Variants in EIF2B1 observed in about 807,000 individuals in gnomAD.
The protein encoded by EIF2B1 is eukaryotic translation initiation factor 2B subunit alpha, also known as translation initiation factor eIF2B subunit alpha.
In EIF2B1, 30 loss-of-function variants were observed where a neutral mutation model predicts 36.8. The observed-to-expected ratio is 0.81, with a 90% CI of 0.61 to 1.10. EIF2B1 has a LOEUF of 1.10. EIF2B1 is among the 50% of genes least tolerant of loss of function. The pLI is 0.00. For synonymous variants in EIF2B1, 139 were observed against 142.2 expected (o/e 0.98, Z 0.16); for missense variants, 271 against 374.8 (o/e 0.72, Z 2.29).
At chr12:123,633,161 T>A (rs1346354607) in intron 1 of EIF2B1, among the ~76,000 whole-genome samples, 2 of 150,918 alleles carry the variant, frequency 1.3e-5, no homozygotes. Flanking sequence ...ATATTATACA[T>A]GGAGTTCCAC....
At position 123,622,701 on chromosome 12, in the gene EIF2B1, C is replaced by T. The variant is rs757688522; in HGVS notation, c.688G>A (p.Ala230Thr). 6.2e-7 allele frequency: 1 copy of T among 1,614,210 alleles called. No homozygotes were observed. The highest frequency in any genetic ancestry group is 8.5e-7 in the Non-Finnish European group (1 of 1,180,014). ...KAQNKPFYVV[A>T]ESFKFVRLFP... is the part of the protein sequence containing the mutation. Reference sequence around the variant, plus strand: ...AGCCGGACAAACTTGAAACTTTCTGCAACCACATAGAAAGGTTTGTTCTGT... The same window carrying T: ...AGCCGGACAAACTTGAAACTTTCTGTAACCACATAGAAAGGTTTGTTCTGT... Residue 230 changes from alanine to threonine, a missense_variant, in exon 8 of 9, where the codon GCA becomes ACA. Transcript: ENST00000424014.
At chr12:123,632,863 G>A (rs1190089282) in intron 1 of EIF2B1, among the ~76,000 whole-genome samples, 2 of 148,738 alleles carry the variant, frequency 1.3e-5, no homozygotes, top group Non-Finnish European at 3.0e-5. Flanking sequence ...GGAGAATGGC[G>A]TGAACCCGGG....
At position 123,620,566 on chromosome 12, in the gene EIF2B1, G is replaced by A. The variant is rs1955051445; in HGVS notation, c.*1190C>T. ...TATTTATCATGATGGGTCACATATA[G>A]ACATATGTACATATTATATATATAT... On this transcript the variant is annotated 3_prime_UTR_variant, in exon 9 of 9. Transcript: ENST00000424014. The A allele has an allele frequency of 2.1e-5, 2 of 97,098 alleles. No individual in the cohort carries two copies. The highest frequency in any genetic ancestry group is 3.8e-5 in the African/African-American group (1 of 26,570). The allele number at this position is 97,098 out of a possible 1,614,324, so 6.0% of individuals were successfully genotyped here. A position where few individuals can be genotyped will look rare whatever the true frequency, so the allele number is the denominator to read the frequency against.
At position 123,630,571 on chromosome 12, in the gene EIF2B1, G is replaced by A. The variant is rs1347905365; in HGVS notation, c.116-38C>T. The A allele has an allele frequency of 6.2e-7, 1 of 1,607,946 alleles. No homozygotes were observed. Among genetic ancestry groups the A allele is most frequent in the African/African-American group, 1.3e-5 (1 of 74,902 alleles). On this transcript the variant is annotated intron_variant, in intron 2 of 8. Transcript: ENST00000424014. This position sits in a 1 kb window ranked among gnomAD's most constrained non-coding sequence, Gnocchi z 4.6. The stretch of plus-strand genomic sequence containing the variant: ...AACAAGGAATGTGATGTTCACATTA[G>A]GGCCACAGCCCCGACCTGTATCTTC...
chr12:123,622,733 GCA>G lies in EIF2B1; in HGVS notation c.654_655del (p.Ala219GlnfsTer30), dbSNP rs1429411999. On this transcript the variant is annotated frameshift_variant, in exon 8 of 9. Transcript: ENST00000424014. LOFTEE classifies it high-confidence loss of function. ...ATAGAAAGGTTTGTTCTGTGCTTTG[GCA>G]CACACAGCCATCTGGTTGGTTCCAA... is the stretch of plus-strand genomic sequence containing the variant. 1.9e-6 allele frequency: 3 copies of G among 1,613,934 alleles called. No homozygotes were observed. Among genetic ancestry groups the G allele is most frequent in the Non-Finnish European group, 2.5e-6 (3 of 1,179,942 alleles).
At chr12:123,626,333 A>G in intron 6 of EIF2B1, 92 bp downstream of exon 6, 1 of 1,508,492 alleles carries the variant, frequency 6.6e-7, no homozygotes, top group Non-Finnish European at 9.2e-7. Flanking sequence ...GTGTGGCTTT[A>G]TGAACGGGAC....
intron 6 of EIF2B1, 115 bp downstream of exon 6, chr12:123,626,310 A>G: frequency 8.1e-7 from 1 of 1,234,744 alleles, no homozygotes; most frequent in South Asian, 1.3e-5. Flanking sequence ...ATTAAGAAGT[A>G]GGACGCTACC....
At chr12:123,622,912 C>A in intron 7 of EIF2B1, 151 bp from the exon 8 acceptor site, 1 of 1,100,514 alleles carries the variant, frequency 9.1e-7, no homozygotes, top group Non-Finnish European at 1.3e-6. Flanking sequence ...GAGTTTGGGA[C>A]CAGCCTAGGC....
intron 8 of EIF2B1, 81 bp downstream of exon 8, chr12:123,622,555 T>A: frequency 6.3e-7 from 1 of 1,590,878 alleles, no homozygotes; most frequent in Non-Finnish European, 8.6e-7. Context: ...GTGAAAAAAT[T>A]ACTGGAACAT....
chr12:123,633,490 G>C (rs1214125565), intron 1 of EIF2B1, 55 bp downstream of exon 1: 6 of 1,613,166 alleles, frequency 3.7e-6, no homozygotes, highest in Non-Finnish European at 1.7e-6. Context: ...AGAGGTTGGG[G>C]GGACCCCTGA....
At position 123,628,608 on chromosome 12, in the gene EIF2B1, C is replaced by T. The variant is rs200375732; in HGVS notation, c.370-1452G>A. ...TGAACTCCTGGACTCAAGCAATCTG[C>T]GTGTCTTGGCTTTCCAAAGTGCTGG... On this transcript the variant is annotated intron_variant, in intron 4 of 8. Coordinates refer to ENST00000424014, the MANE Select transcript of EIF2B1 (RefSeq NM_001414.4). Among the ~76,000 whole-genome samples, 4 of 152,182 alleles carry T rather than the reference C, an allele frequency of 2.6e-5. No individual in the cohort carries two copies. The South Asian group carries it at 6.2e-4, about 24-fold the overall frequency.
At chr12:123,632,506 G>T in intron 1 of EIF2B1, 60 bp from the exon 2 acceptor site, 1 of 1,133,702 alleles carries the variant, frequency 8.8e-7, no homozygotes, top group Non-Finnish European at 1.3e-6. Flanking sequence ...AGGCAAGAGA[G>T]CTTGTTAATG....
At chr12:123,625,286 C>T (rs1454392682) in intron 6 of EIF2B1, among the ~76,000 whole-genome samples, 1 of 151,860 alleles carries the variant, frequency 6.6e-6, no homozygotes, top group African/African-American at 2.4e-5. Flanking sequence ...GACCAGATCT[C>T]ACTCTGTTGC....
In EIF2B1 at chr12:123,626,909, A is replaced by C. The variant is rs550241744; in HGVS notation, c.482+135T>G. The C allele has an allele frequency of 9.8e-5, 79 of 806,776 alleles. No homozygotes were observed. The South Asian group carries it at 1.1e-3, about 11-fold the overall frequency. 50.0% of individuals were successfully genotyped at this position (806,776 alleles called of 1,614,324 possible). On this transcript the variant is annotated intron_variant, in intron 5 of 8. Coordinates refer to ENST00000424014, the MANE Select transcript of EIF2B1 (RefSeq NM_001414.4). ...AGTGATTTTTCTTCCAAAGGCAGGA[A>C]AAGGTACAATGAAAGGCAGTGCTGA... is the stretch of plus-strand genomic sequence containing the variant.
Position 123,622,733 on chromosome 12 carries a change from G to T in EIF2B1, c.656C>A (p.Ala219Asp), listed in dbSNP as rs377538766. ...KIGTNQMAVCAKAQNKPFYVV... is the reference protein window; with the variant it reads ...KIGTNQMAVCDKAQNKPFYVV... ...ATAGAAAGGTTTGTTCTGTGCTTTGGCACACACAGCCATCTGGTTGGTTCC... is the reference window on the plus strand; with the variant it reads ...ATAGAAAGGTTTGTTCTGTGCTTTGTCACACACAGCCATCTGGTTGGTTCC... Residue 219 changes from alanine to aspartate, a missense_variant, in exon 8 of 9, where the codon GCC becomes GAC. By Grantham distance (126) the Ala-to-Asp change is moderately radical. Transcript: ENST00000424014. 1 of 1,613,934 alleles carries T rather than the reference G, an allele frequency of 6.2e-7. No homozygotes were observed. Among genetic ancestry groups the T allele is most frequent in the Non-Finnish European group, 8.5e-7 (1 of 1,179,942 alleles).
rs1955136182 is a variant in EIF2B1 at position 123,624,831 on chromosome 12, C to T, written c.583G>A (p.Val195Ile). The T allele has an allele frequency of 6.2e-7, 1 of 1,614,064 alleles. No individual in the cohort carries two copies. Residue 195 changes from valine (V) to isoleucine (I), a missense_variant, in exon 7 of 9, where the codon GTT (valine) becomes ATT (isoleucine). By Grantham distance (29) the Val-to-Ile change is conservative (BLOSUM62 3). Transcript: ENST00000424014. ...TTTTCAACAACTCCTTCAGCACCAA[C>T]TATGACAAGATCTGCTTTCTCCATG... ...YIMEKADLVI[V>I]GAEGVVENGG...
rs372675438 is a variant in EIF2B1, at chr12:123,628,238, G to A, written c.370-1082C>T. On this transcript the variant is annotated intron_variant, in intron 4 of 8. Coordinates refer to ENST00000424014, the MANE Select transcript of EIF2B1 (RefSeq NM_001414.4). ...GACTAGCTAATTTATTTTATTTTTT[G>A]TAGAGACAGGGCCTCTCTCCCTATG... Among the ~76,000 whole-genome samples, 6 of 151,572 alleles carry A rather than the reference G, an allele frequency of 4.0e-5. 1 individual carries two copies. Among genetic ancestry groups the A allele is most frequent in the Admixed American group, 1.3e-4 (2 of 15,186 alleles).
intron 6 of EIF2B1, chr12:123,626,136 AAAAC>A: frequency 2.4e-6 from 1 of 422,064 alleles, no homozygotes; most frequent in African/African-American, 2.0e-5. Flanking sequence ...CCATCTCAAA[AAAAC>A]AAAAAACAAA....
intron 7 of EIF2B1, 84 bp from the exon 8 acceptor site, chr12:123,622,845 G>A: frequency 6.3e-7 from 1 of 1,593,108 alleles, no homozygotes; most frequent in Non-Finnish European, 8.5e-7. Flanking sequence ...GCACAGTGGT[G>A]CATGCCTGTA....
Sources: allele counts gnomAD v4.1 joint callset (sites outside exome capture counted in the v4.1 genomes callset), GRCh38; gene constraint gnomAD v4.1.1; non-coding constraint Gnocchi (gnomAD v3.1); transcripts MANE v1.5; gene names NCBI Gene and HGNC (gene_info 2026-07-23, HGNC 2026-07-21).